SPINK8: variants seen among roughly 807,000 people sequenced by gnomAD.
SPINK8 encodes the protein serine protease inhibitor Kazal-type 8.
A neutral mutation model predicts 14.4 loss-of-function variants in SPINK8; 12 were observed. That is an observed-to-expected ratio of 0.83 (90% CI 0.53 to 1.35). The LOEUF (loss-of-function observed/expected upper bound fraction) is 1.35, where lower values mean the gene tolerates loss of function less well. Ranked by LOEUF, SPINK8 falls within the 40% of genes most tolerant of loss-of-function variation. SPINK8 has a pLI of 0.00. For synonymous variants in SPINK8, 32 were observed against 37.6 expected, an observed-to-expected ratio of 0.85 and a Z score of 0.55; for missense variants, 103 against 117.0, an observed-to-expected ratio of 0.88 and a Z score of 0.55.
intron 6 of SPINK8, among the ~76,000 whole-genome samples, chr3:48,315,720 C>CCAA (rs2035979702): frequency 4.6e-5 from 1 of 21,938 alleles, no homozygotes; most frequent in Non-Finnish European, 9.7e-5. Context: ...GACTCCATCT[C>CCAA]AAAAAAAAAA....
intron 3 of SPINK8, 75 bp from the exon 4 acceptor site, chr3:48,328,429 G>T: frequency 2.9e-6 from 3 of 1,052,016 alleles, no homozygotes; most frequent in South Asian, 3.1e-5. Context: ...ATCCCTCACT[G>T]ACCAGGAAAT....
chr3:48,313,471 A>T (rs769052905), intron 6 of SPINK8, among the ~76,000 whole-genome samples: 40 of 152,232 alleles, frequency 2.6e-4, no homozygotes, highest in Non-Finnish European at 4.9e-4. Flanking sequence ...ATTTTTAAAA[A>T]GTACTAGCAA....
At position 48,306,982 on chromosome 3, in the gene SPINK8, T is replaced by C. The variant is rs761307682; in HGVS notation, c.*10A>G. ...AGATTCAGTAGGTTTTATAATTCTT[T>C]GTCGTACGTTCAAGAGTTTTCCTGC... On this transcript the variant is annotated 3_prime_UTR_variant, in exon 8 of 8. Coordinates refer to ENST00000434006, the MANE Select transcript of SPINK8 (RefSeq NM_001080525.3). The C allele has an allele frequency of 6.2e-7, 1 of 1,613,102 alleles. No individual in the cohort carries two copies. The highest frequency in any genetic ancestry group is 8.5e-7 in the Non-Finnish European group (1 of 1,179,456).
chr3:48,312,095 C>A (rs1216911956), intron 6 of SPINK8, among the ~76,000 whole-genome samples: 7 of 150,958 alleles, frequency 4.6e-5, no homozygotes, highest in Middle Eastern at 3.2e-3. Flanking sequence ...GACCACACCA[C>A]TGCTCTCCAA....
intron 2 of SPINK8, among the ~76,000 whole-genome samples, chr3:48,331,545 T>C (rs1212864069): frequency 2.0e-5 from 3 of 152,198 alleles, no homozygotes; most frequent in Admixed American, 6.5e-5. Context: ...GGAATTCTCT[T>C]TCTCTCCATA....
chr3:48,321,696 C>T (rs1415350996), intron 4 of SPINK8, among the ~76,000 whole-genome samples: 1 of 150,622 alleles, frequency 6.6e-6, no homozygotes, highest in East Asian at 2.0e-4. Flanking sequence ...TGCCTGTAGT[C>T]CCAGCTACTT....
chr3:48,325,139 T>G (rs1341174016), intron 4 of SPINK8, among the ~76,000 whole-genome samples: 1 of 152,214 alleles, frequency 6.6e-6, no homozygotes, highest in Non-Finnish European at 1.5e-5. Flanking sequence ...CATGATATAT[T>G]TTTCTCATCA....
At position 48,332,365 on chromosome 3, in the gene SPINK8, C is replaced by T. The variant is rs1163468515; in HGVS notation, c.-136+1G>A. 1.3e-5 allele frequency among the ~76,000 whole-genome samples: 2 copies of T among 152,170 alleles called. No homozygotes were observed. Among genetic ancestry groups the T allele is most frequent in the Non-Finnish European group, 2.9e-5 (2 of 68,026 alleles). On this transcript the variant is annotated splice_donor_variant, in intron 2 of 7. Transcript: ENST00000434006. LOFTEE classifies it low-confidence loss of function (5UTR_SPLICE). ...TGTCTGCAGCTGAGTGATAAACTTA[C>T]CCTTTAAGATTAGTTGGCCTTCAAT...
intron 4 of SPINK8, among the ~76,000 whole-genome samples, chr3:48,326,908 C>CAA (rs11383648): frequency 0.028 from 3,602 of 129,110 alleles, 125 homozygotes; most frequent in African/African-American, 0.097. Context: ...GACTCTGTCT[C>CAA]AAAAAAAAAA....
At chr3:48,329,802 C>T (rs2036222062) in intron 2 of SPINK8, among the ~76,000 whole-genome samples, 1 of 152,198 alleles carries the variant, frequency 6.6e-6, no homozygotes, top group South Asian at 2.1e-4. Context: ...ATTGGGATTA[C>T]AGGTGTAAGC....
intron 5 of SPINK8, among the ~76,000 whole-genome samples, chr3:48,320,179 T>C (rs1396947439): frequency 1.3e-5 from 2 of 151,402 alleles, no homozygotes; most frequent in Non-Finnish European, 2.9e-5. Flanking sequence ...CTAACAATCA[T>C]ATTTTTGTAC....
chr3:48,306,918 T>G lies in SPINK8; in HGVS notation c.*74A>C. On this transcript the variant is annotated 3_prime_UTR_variant, in exon 8 of 8. Transcript: ENST00000434006. ...ACCATTAGTAATTAAAGGGGATATA[T>G]TTGAAGAGGCAACCATTGTGTTTCA... 6.6e-7 allele frequency: 1 copy of G among 1,504,446 alleles called. No homozygotes were observed. The allele number at this position is 1,504,446 out of a possible 1,614,324, so 93.2% of individuals were successfully genotyped here.
chr3:48,332,063 G>A (rs2036271400), intron 2 of SPINK8, among the ~76,000 whole-genome samples: 1 of 152,162 alleles, frequency 6.6e-6, no homozygotes, highest in Non-Finnish European at 1.5e-5. Flanking sequence ...TGGATGAGGG[G>A]GTGGCTTATT....
chr3:48,331,675 C>T (rs1321269507), intron 2 of SPINK8, among the ~76,000 whole-genome samples: 1 of 152,152 alleles, frequency 6.6e-6, no homozygotes, highest in Admixed American at 6.6e-5. Flanking sequence ...ATGTCTCTCC[C>T]TAACAAGGGA....
At chr3:48,333,249 C>T (rs1352298363) in intron 1 of SPINK8, among the ~76,000 whole-genome samples, 1 of 152,188 alleles carries the variant, frequency 6.6e-6, no homozygotes. Flanking sequence ...GGGCATGTTT[C>T]TCCCTCTTGA....
At position 48,309,892 on chromosome 3, in the gene SPINK8, G is replaced by C. The variant is rs1324802450; in HGVS notation, c.282+12C>G. ...ACTTCTAAAAATAAAAAATAAAAGT[G>C]TCTTTACTTACACATTGTCCATCAT... On this transcript the variant is annotated intron_variant, in intron 7 of 7. Transcript: ENST00000434006. The C allele has an allele frequency of 2.1e-6, 3 of 1,452,992 alleles. No individual in the cohort carries two copies. Among genetic ancestry groups the C allele is most frequent in the Non-Finnish European group, 2.7e-6 (3 of 1,105,252 alleles). The allele number at this position is 1,452,992 out of a possible 1,614,324, so 90.0% of individuals were successfully genotyped here. A position where few individuals can be genotyped will look rare whatever the true frequency, so the allele number is the denominator to read the frequency against.
intron 6 of SPINK8, among the ~76,000 whole-genome samples, chr3:48,317,125 A>G (rs1560016376): frequency 6.6e-6 from 1 of 152,250 alleles, no homozygotes; most frequent in Non-Finnish European, 1.5e-5. Context: ...TGGGTGTACA[A>G]TGAATAAAGC....
chr3:48,310,746 G>A (rs182217153), intron 6 of SPINK8, among the ~76,000 whole-genome samples: 25 of 152,178 alleles, frequency 1.6e-4, no homozygotes, highest in South Asian at 8.3e-4. Flanking sequence ...TGATCCACCC[G>A]CTTCGGCCTC....
intron 2 of SPINK8, among the ~76,000 whole-genome samples, chr3:48,332,019 G>A (rs894466998): frequency 2.3e-4 from 35 of 152,330 alleles, no homozygotes; most frequent in Admixed American, 1.4e-3. Context: ...CTGGGGCAGT[G>A]GGCCTTCCAG....
Sources: allele counts gnomAD v4.1 joint callset (sites outside exome capture counted in the v4.1 genomes callset), GRCh38; gene constraint gnomAD v4.1.1; transcripts MANE v1.5; gene names NCBI Gene and HGNC (gene_info 2026-07-23, HGNC 2026-07-21).